The following TUT4 variants were observed in gnomAD, a reference collection of about 807,000 sequenced individuals.
The protein encoded by TUT4 is terminal uridylyltransferase 4.
TUT4 carries 36 observed loss-of-function variants against 192.2 expected under a neutral mutation model. The observed-to-expected ratio is 0.19, with a 90% confidence interval of 0.14 to 0.25. The LOEUF (loss-of-function observed/expected upper bound fraction) is 0.25, where lower values mean the gene tolerates loss of function less well. Ranked by LOEUF, TUT4 falls within the 10% of genes least tolerant of loss-of-function variation. The pLI, the probability that TUT4 is intolerant of heterozygous loss-of-function variation, is 1.00. For synonymous variants in TUT4, 618 were observed against 666.0 expected (o/e 0.93, Z 1.11); for missense variants, 1,493 against 1,957.2 (o/e 0.76, Z 4.47).
At chr1:52,546,092 C>T (rs900353470) in intron 1 of TUT4, among the ~76,000 whole-genome samples, 2 of 151,944 alleles carry the variant, frequency 1.3e-5, no homozygotes, top group Admixed American at 1.3e-4. Context: ...TGAGCCAACA[C>T]CATGCCACTG....
At chr1:52,435,568 G>T in intron 26 of TUT4, 103 bp from the exon 27 acceptor site, 1 of 861,178 alleles carries the variant, frequency 1.2e-6, no homozygotes, top group Non-Finnish European at 1.8e-6. Flanking sequence ...AAATATCTCT[G>T]CAATTTTATA....
chr1:52,477,488 A>G (rs1006447587), intron 12 of TUT4, among the ~76,000 whole-genome samples: 1 of 152,062 alleles, frequency 6.6e-6, no homozygotes, highest in African/African-American at 2.4e-5. Context: ...GATCCCTTGA[A>G]CCCATGAGTT....
intron 1 of TUT4, among the ~76,000 whole-genome samples, chr1:52,539,920 CAAAA>C (rs1169210794): frequency 7.3e-6 from 1 of 136,196 alleles, no homozygotes; most frequent in East Asian, 2.2e-4. Context: ...AAAAAAAAAA[CAAAA>C]AAAACAGGCC....
intron 13 of TUT4, 49 bp downstream of exon 13, chr1:52,474,783 C>T: frequency 6.9e-7 from 1 of 1,459,128 alleles, no homozygotes; most frequent in Non-Finnish European, 9.2e-7. Flanking sequence ...TATACATAGT[C>T]ATACAACAAC....
rs145521302 is a variant in TUT4 at position 52,445,743 on chromosome 1, T to G, written c.3822+44A>C. 1.2e-3 allele frequency: 1,715 copies of G among 1,433,946 alleles called. 23 individuals carry two copies. In the African/African-American group the frequency reaches 0.021, roughly 17 times the overall value. 88.8% of individuals were successfully genotyped at this position (1,433,946 alleles called of 1,614,324 possible). A position where few individuals can be genotyped will look rare whatever the true frequency, so the allele number is the denominator to read the frequency against. ...AAACACAATTAAGTTTCTTGTTCTA[T>G]TTAAAAAAAGAAAAGATTCACAATT... On this transcript the variant is annotated intron_variant, in intron 24 of 29. Coordinates refer to ENST00000257177, the MANE Select transcript of TUT4 (RefSeq NM_001009881.3).
intron 1 of TUT4, among the ~76,000 whole-genome samples, chr1:52,528,404 T>A (rs1478286891): frequency 6.6e-6 from 1 of 150,852 alleles, no homozygotes; most frequent in Non-Finnish European, 1.5e-5. Context: ...GGTGGGAGGA[T>A]CGCTTGAGAC....
At chr1:52,490,146 G>C (rs570486545) in intron 8 of TUT4, among the ~76,000 whole-genome samples, 151 of 143,890 alleles carry the variant, frequency 1.0e-3, no homozygotes, top group African/African-American at 3.4e-3. Context: ...CTTGAGAAGA[G>C]AGGCTTTTTT....
intron 24 of TUT4, 67 bp from the exon 25 acceptor site, chr1:52,438,402 G>A (rs1654455812): frequency 9.5e-7 from 1 of 1,052,148 alleles, no homozygotes; most frequent in Non-Finnish European, 1.4e-6. Flanking sequence ...ATGGAAAGAA[G>A]ACCAAGATGC....
chr1:52,472,592 TAATA>T (rs1181532088), intron 13 of TUT4, among the ~76,000 whole-genome samples: 9 of 151,196 alleles, frequency 6.0e-5, no homozygotes, highest in African/African-American at 2.2e-4. Context: ...ATTTAATATT[TAATA>T]AATTATTAAA....
chr1:52,442,633 G>A (rs1656006515), intron 24 of TUT4, among the ~76,000 whole-genome samples: 1 of 152,182 alleles, frequency 6.6e-6, no homozygotes, highest in Non-Finnish European at 1.5e-5. Context: ...TGAGGGTCAT[G>A]TCAGTGCTCA....
intron 3 of TUT4, among the ~76,000 whole-genome samples, chr1:52,512,606 T>C (rs1041824029): frequency 2.0e-5 from 3 of 152,196 alleles, no homozygotes; most frequent in Non-Finnish European, 4.4e-5. Flanking sequence ...ATAAACTTTC[T>C]AGTTTCACAG....
chr1:52,461,103 C>G, intron 19 of TUT4, 31 bp downstream of exon 19: 1 of 1,490,680 alleles, frequency 6.7e-7, no homozygotes, highest in Non-Finnish European at 9.1e-7. Context: ...TTATCATGAA[C>G]AAAGCAGATC....
chr1:52,446,121 A>G, intron 22 of TUT4, 117 bp from the exon 23 acceptor site: 1 of 1,299,758 alleles, frequency 7.7e-7, no homozygotes, highest in Non-Finnish European at 1.1e-6. Flanking sequence ...AAATCAGCAA[A>G]CTCTTCCTCT....
chr1:52,435,393 G>A lies in TUT4; in HGVS notation c.4235C>T (p.Ser1412Phe). The A allele has an allele frequency of 1.2e-6, 2 of 1,614,132 alleles. No homozygotes were observed. Among genetic ancestry groups the A allele is most frequent in the Non-Finnish European group, 1.7e-6 (2 of 1,180,004 alleles). Reference protein sequence around the residue: ...AGSAQQQGDQSIRTRQSSECS... With the variant: ...AGSAQQQGDQFIRTRQSSECS... ...TTCTGATGACTGTCTAGTCCTTATG[G>A]ACTGATCACCCTGTTGCTGAGCTGA... The change falls in exon 27 of 30, where the codon TCC becomes TTC. Residue 1412 changes from serine to phenylalanine, a missense_variant. By Grantham distance (155) the Ser-to-Phe change is radical (BLOSUM62 -2). Transcript: ENST00000257177.
chr1:52,525,085 T>C (rs942521279), intron 2 of TUT4, among the ~76,000 whole-genome samples: 20 of 152,218 alleles, frequency 1.3e-4, no homozygotes, highest in African/African-American at 4.3e-4. Flanking sequence ...CTGAAAATCA[T>C]TGTTTATCTG....
chr1:52,535,581 G>A (rs1684689666), intron 1 of TUT4, among the ~76,000 whole-genome samples: 2 of 152,076 alleles, frequency 1.3e-5, no homozygotes, highest in Non-Finnish European at 2.9e-5. Context: ...CATAATAGGA[G>A]TCACAGAAAG....
At chr1:52,455,583 G>A (rs1224523307) in intron 20 of TUT4, among the ~76,000 whole-genome samples, 1 of 119,936 alleles carries the variant, frequency 8.3e-6, no homozygotes, top group African/African-American at 3.2e-5. Flanking sequence ...AGCCCGGGCA[G>A]CAACAGGAGT....
chr1:52,498,902 T>TTTTA (rs1673233360), intron 4 of TUT4, among the ~76,000 whole-genome samples: 3 of 23,310 alleles, frequency 1.3e-4, no homozygotes, highest in African/African-American at 4.8e-4. Flanking sequence ...AAAAAAAAAA[T>TTTTA]TATATATATA....
chr1:52,525,291 T>C (rs984256584), intron 2 of TUT4, among the ~76,000 whole-genome samples: 2 of 152,300 alleles, frequency 1.3e-5, no homozygotes, highest in South Asian at 2.1e-4. Context: ...TGTACGAGCA[T>C]GTGTGTACCA....
Sources: gnomAD v4.1 joint callset for allele counts (sites outside exome capture counted in the v4.1 genomes callset) on GRCh38, gnomAD v4.1.1 for gene constraint, MANE v1.5 for transcripts, NCBI Gene and HGNC (gene_info 2026-07-23, HGNC 2026-07-21) for gene names.